The following IQCJ variants were observed in gnomAD, a reference collection of about 807,000 sequenced individuals.
IQCJ encodes the protein IQ motif containing J, also known as IQ domain-containing protein J.
Under a neutral mutation model 11.0 loss-of-function variants are expected in IQCJ, and 9 were observed. The ratio of observed to expected loss-of-function variants is 0.82; its 90% CI spans 0.49 to 1.43. The LOEUF is 1.43. IQCJ is among the 40% of genes most tolerant of loss of function. IQCJ has a pLI of 0.00. For missense variants in IQCJ, 146 were observed against 133.2 expected, an observed-to-expected ratio of 1.10 and a Z score of -0.47; for synonymous variants, 55 against 51.3, an observed-to-expected ratio of 1.07 and a Z score of -0.31.
chr3:159,166,712 G>C (rs560365528), intron 1 of IQCJ, among the ~76,000 whole-genome samples: 23 of 152,248 alleles, frequency 1.5e-4, no homozygotes, highest in African/African-American at 5.3e-4. Flanking sequence ...GGTTTCCTCA[G>C]GTTACAGGAG....
At chr3:159,207,896 T>G (rs1482006748) in intron 1 of IQCJ, among the ~76,000 whole-genome samples, 1 of 152,200 alleles carries the variant, frequency 6.6e-6, no homozygotes, top group Non-Finnish European at 1.5e-5. Context: ...GAAAAACAAA[T>G]GCAGGCAGAT....
intron 1 of IQCJ, among the ~76,000 whole-genome samples, chr3:159,194,043 T>C (rs1723841109): frequency 6.6e-6 from 1 of 152,234 alleles, no homozygotes; most frequent in African/African-American, 2.4e-5. Flanking sequence ...GTATGGTTAC[T>C]TGAGTAAATG....
At chr3:159,213,243 C>T (rs1000171244) in intron 1 of IQCJ, among the ~76,000 whole-genome samples, 11 of 152,124 alleles carry the variant, frequency 7.2e-5, no homozygotes, top group Non-Finnish European at 1.2e-4. Flanking sequence ...AAGTAAAAAC[C>T]AGGAGGCATT....
chr3:159,216,111 GAGAGAGA>G (rs1159694410), intron 1 of IQCJ, among the ~76,000 whole-genome samples: 1 of 146,468 alleles, frequency 6.8e-6, no homozygotes, highest in Non-Finnish European at 1.5e-5. Context: ...GGTGGATGGA[GAGAGAGA>G]AAGAATTGAG....
intron 2 of IQCJ, among the ~76,000 whole-genome samples, chr3:159,251,459 G>A (rs537381726): frequency 6.6e-6 from 1 of 151,674 alleles, no homozygotes; most frequent in East Asian, 2.0e-4. Flanking sequence ...ATGATCTACA[G>A]TGTGAAAAGC....
At chr3:159,265,565 G>A (rs1352636829), downstream of IQCJ, 2 of 555,990 alleles carry the variant, frequency 3.6e-6, no homozygotes, top group Non-Finnish European at 6.2e-6. Flanking sequence ...CTGTGTCCCT[G>A]GGGAGTTCTT....
chr3:159,180,325 A>ACG (rs144288823), intron 1 of IQCJ, among the ~76,000 whole-genome samples: 7,156 of 152,182 alleles, frequency 0.047, 545 homozygotes, highest in African/African-American at 0.17. Flanking sequence ...TCACACACAC[A>ACG]TATACACACT....
chr3:159,142,133 T>G lies in IQCJ; in HGVS notation c.9+72692T>G, dbSNP rs115498987. 3.2e-3 allele frequency among the ~76,000 whole-genome samples: 484 copies of G among 152,328 alleles called. 5 individuals carry two copies. The highest frequency in any genetic ancestry group is 0.011 in the African/African-American group (441 of 41,572). ...TGTTTCCTCCATTTGAACAGCTAGT[T>G]GTCACAGTTCCTTGAAATGGAGCAT... On this transcript the variant is annotated intron_variant, in intron 1 of 3. Coordinates refer to ENST00000397832, the MANE Select transcript of IQCJ (RefSeq NM_001042706.3).
chr3:159,071,135 T>C (rs1037997505), intron 1 of IQCJ, among the ~76,000 whole-genome samples: 3 of 152,000 alleles, frequency 2.0e-5, no homozygotes, highest in African/African-American at 7.2e-5. Context: ...TAGAGGATTA[T>C]GTATATTTTT....
In IQCJ at chr3:159,069,403, T is replaced by G. The variant is rs1437230801; in HGVS notation, c.-30T>G. The G allele has an allele frequency of 6.2e-7, 1 of 1,605,926 alleles. No homozygotes were observed. Among genetic ancestry groups the G allele is most frequent in the Admixed American group, 1.7e-5 (1 of 58,060 alleles). Reference sequence around the variant, plus strand: ...GTGCCAGCATCCGATCCAGTCTCCTTTCACCTGCAGGTGTTCCAGAAACTT... The same window carrying G: ...GTGCCAGCATCCGATCCAGTCTCCTGTCACCTGCAGGTGTTCCAGAAACTT... On this transcript the variant is annotated 5_prime_UTR_variant, in exon 1 of 4. Coordinates refer to ENST00000397832, the MANE Select transcript of IQCJ (RefSeq NM_001042706.3).
At chr3:159,230,012 A>G (rs1488754913) in intron 1 of IQCJ, among the ~76,000 whole-genome samples, 5 of 150,246 alleles carry the variant, frequency 3.3e-5, no homozygotes, top group Admixed American at 2.0e-4. Flanking sequence ...ACTAACCAAT[A>G]GGTACTTTTT....
intron 1 of IQCJ, among the ~76,000 whole-genome samples, chr3:159,162,098 T>C (rs1158831211): frequency 1.3e-5 from 2 of 152,200 alleles, no homozygotes; most frequent in Admixed American, 6.5e-5. Flanking sequence ...GGGGATGGCA[T>C]TGAATCTGTA....
chr3:159,217,621 C>A (rs1005016890), intron 1 of IQCJ, among the ~76,000 whole-genome samples: 16 of 152,244 alleles, frequency 1.1e-4, no homozygotes, highest in African/African-American at 3.4e-4. Flanking sequence ...CCTTCCTGTA[C>A]ATATCTTGTC....
chr3:159,160,975 A>G (rs1721816592), intron 1 of IQCJ, among the ~76,000 whole-genome samples: 1 of 152,184 alleles, frequency 6.6e-6, no homozygotes, highest in South Asian at 2.1e-4. Flanking sequence ...TATTATGAAT[A>G]ATGCCGCAAT....
chr3:159,257,876 A>G (rs1340058126), intron 3 of IQCJ, among the ~76,000 whole-genome samples: 1 of 152,170 alleles, frequency 6.6e-6, no homozygotes, highest in Non-Finnish European at 1.5e-5. Context: ...TAAGGAGGGA[A>G]CAAACGTAAT....
intron 1 of IQCJ, among the ~76,000 whole-genome samples, chr3:159,161,118 C>T (rs1033220170): frequency 6.6e-6 from 1 of 152,130 alleles, no homozygotes; most frequent in Non-Finnish European, 1.5e-5. Context: ...TCCACTTCCA[C>T]AATAGTTGAA....
intron 3 of IQCJ, among the ~76,000 whole-genome samples, chr3:159,255,642 A>AAAGTTG (rs1299010207): frequency 1.3e-5 from 2 of 152,186 alleles, no homozygotes; most frequent in African/African-American, 4.8e-5. Flanking sequence ...TGCCTGTATC[A>AAAGTTG]AAGTTGAAGG....
intron 1 of IQCJ, among the ~76,000 whole-genome samples, chr3:159,208,900 T>C (rs1350310277): frequency 1.3e-5 from 2 of 152,080 alleles, no homozygotes; most frequent in African/African-American, 2.4e-5. Flanking sequence ...AAGAATGCCA[T>C]GTGAAGACAA....
intron 1 of IQCJ, among the ~76,000 whole-genome samples, chr3:159,242,630 A>C (rs1325375387): frequency 1.3e-5 from 2 of 150,862 alleles, no homozygotes; most frequent in Non-Finnish European, 2.9e-5. Flanking sequence ...CATTTAGTAG[A>C]CTTATGCTCA....
Sources: gnomAD v4.1 joint callset for allele counts (sites outside exome capture counted in the v4.1 genomes callset) on GRCh38, gnomAD v4.1.1 for gene constraint, MANE v1.5 for transcripts, NCBI Gene and HGNC (gene_info 2026-07-23, HGNC 2026-07-21) for gene names.